The following JARID2 variants were observed in gnomAD, a reference collection of about 807,000 sequenced individuals.
JARID2 encodes the protein protein Jumonji.
Under a neutral mutation model 125.6 loss-of-function variants are expected in JARID2, and 21 were observed. The observed-to-expected ratio is 0.17, with a 90% CI of 0.12 to 0.24. The LOEUF is 0.24. Ranked by LOEUF, JARID2 falls within the 10% of genes least tolerant of loss-of-function variation. The pLI, the probability that JARID2 is intolerant of heterozygous loss-of-function variation, is 1.00. For missense variants in JARID2, 1,303 were observed against 1,639.6 expected, an observed-to-expected ratio of 0.79 and a Z score of 3.55; for synonymous variants, 736 against 661.6, an observed-to-expected ratio of 1.11 and a Z score of -1.73.
chr6:15,278,581 G>A (rs183693154), intron 1 of JARID2, among the ~76,000 whole-genome samples: 1,782 of 144,668 alleles, frequency 0.012, 22 homozygotes, highest in Non-Finnish European at 0.017. Flanking sequence ...GCAAGACTCC[G>A]TCTCAAAAAA....
chr6:15,507,102 G>T (rs1005733519), intron 9 of JARID2, 34 bp from the exon 10 acceptor site: 3 of 1,359,000 alleles, frequency 2.2e-6, no homozygotes, highest in Admixed American at 1.7e-5. Context: ...CAGCACCTTA[G>T]GGGTGCTGAC....
intron 1 of JARID2, chr6:15,247,322 A>T (rs1759217453): frequency 1.5e-5 from 9 of 618,700 alleles, no homozygotes; most frequent in Non-Finnish European, 1.8e-5. Flanking sequence ...TTGGGTGATT[A>T]TTCCTAGATT....
intron 2 of JARID2, among the ~76,000 whole-genome samples, chr6:15,375,540 T>C (rs1006431688): frequency 3.9e-5 from 6 of 152,214 alleles, no homozygotes; most frequent in African/African-American, 1.4e-4. Flanking sequence ...ATTTAGACCC[T>C]CATAGCTGCT....
chr6:15,467,753 C>A (rs1226709502), intron 4 of JARID2, among the ~76,000 whole-genome samples: 1 of 152,102 alleles, frequency 6.6e-6, no homozygotes, highest in Non-Finnish European at 1.5e-5. Flanking sequence ...GTAAAGGGTG[C>A]AGTGAGCTGT....
intron 1 of JARID2, among the ~76,000 whole-genome samples, chr6:15,253,726 AG>A (rs1216572830): frequency 6.6e-6 from 1 of 152,176 alleles, no homozygotes; most frequent in African/African-American, 2.4e-5. Context: ...GAAATGTCCC[AG>A]AAAAGCATGG....
rs769444709 is a variant in JARID2 at position 15,452,000 on chromosome 6, T to C, written c.324-6T>C. 6.2e-7 allele frequency: 1 copy of C among 1,611,620 alleles called. No individual in the cohort carries two copies. Among genetic ancestry groups the C allele is most frequent in the Non-Finnish European group, 8.5e-7 (1 of 1,179,134 alleles). ...ATTTATTTTTAATTTTCTTTTGCTTTTGCAGGCCCAGGCTGCAAGCACAAA... is the reference window on the plus strand; with the variant it reads ...ATTTATTTTTAATTTTCTTTTGCTTCTGCAGGCCCAGGCTGCAAGCACAAA... On this transcript the variant is annotated splice_polypyrimidine_tract_variant and splice_region_variant and intron_variant, in intron 3 of 17. Coordinates refer to ENST00000341776, the MANE Select transcript of JARID2 (RefSeq NM_004973.4).
chr6:15,458,836 A>G (rs890616118), intron 4 of JARID2, among the ~76,000 whole-genome samples: 3 of 152,264 alleles, frequency 2.0e-5, no homozygotes, highest in African/African-American at 7.2e-5. Flanking sequence ...CTGCCAAGGC[A>G]TGGATTGATG....
chr6:15,442,808 C>G (rs534780091), intron 3 of JARID2, among the ~76,000 whole-genome samples: 4 of 152,148 alleles, frequency 2.6e-5, no homozygotes, highest in Non-Finnish European at 4.4e-5. Flanking sequence ...TCATGACAGT[C>G]ATGATTTTCA....
intron 11 of JARID2, 124 bp downstream of exon 11, chr6:15,507,540 G>T: frequency 1.4e-6 from 1 of 699,254 alleles, no homozygotes. Flanking sequence ...AGGCTTACAG[G>T]ACATACAGTG....
chr6:15,465,825 A>G (rs1768703531), intron 4 of JARID2, among the ~76,000 whole-genome samples: 1 of 148,660 alleles, frequency 6.7e-6, no homozygotes, highest in African/African-American at 2.6e-5. Flanking sequence ...TTTTTTTGAG[A>G]CGGAGTCTTG....
chr6:15,365,536 G>T (rs945850610), intron 1 of JARID2, among the ~76,000 whole-genome samples: 1 of 152,098 alleles, frequency 6.6e-6, no homozygotes, highest in African/African-American at 2.4e-5. Flanking sequence ...AGGCTCAGTT[G>T]GTGGCCGGAG....
At chr6:15,247,726 C>T (rs897517587) in intron 1 of JARID2, 5 of 985,110 alleles carry the variant, frequency 5.1e-6, no homozygotes, top group Non-Finnish European at 6.0e-6. Flanking sequence ...AAGCTGAATG[C>T]CTCTTCAAGA....
chr6:15,253,611 G>A (rs1759539563), intron 1 of JARID2, among the ~76,000 whole-genome samples: 1 of 151,800 alleles, frequency 6.6e-6, no homozygotes, highest in Non-Finnish European at 1.5e-5. Context: ...ACCACTCTGG[G>A]TTTCTGGTTT....
intron 8 of JARID2, 100 bp downstream of exon 8, chr6:15,501,509 T>G: frequency 8.4e-7 from 1 of 1,195,080 alleles, no homozygotes; most frequent in Non-Finnish European, 1.1e-6. Context: ...TGTTCTCTGA[T>G]TCCCTGGGGT....
intron 3 of JARID2, among the ~76,000 whole-genome samples, chr6:15,429,926 A>G (rs1435563012): frequency 1.3e-5 from 2 of 152,148 alleles, no homozygotes; most frequent in Admixed American, 6.5e-5. Flanking sequence ...GGAAGTGTGT[A>G]TTTCTAGCCT....
chr6:15,413,308 C>T (rs535687408), intron 3 of JARID2, among the ~76,000 whole-genome samples: 6 of 152,124 alleles, frequency 3.9e-5, no homozygotes, highest in East Asian at 1.9e-4. Flanking sequence ...CCACTGTGCC[C>T]GGCAGGGAAG....
intron 1 of JARID2, among the ~76,000 whole-genome samples, chr6:15,315,880 C>G (rs888652192): frequency 5.9e-5 from 9 of 152,150 alleles, no homozygotes; most frequent in Admixed American, 5.9e-4. Context: ...ATGAGTTTCT[C>G]AGGGCTCCCA....
intron 2 of JARID2, among the ~76,000 whole-genome samples, chr6:15,396,092 A>G (rs1297196979): frequency 6.6e-6 from 1 of 152,218 alleles, no homozygotes. Context: ...AAAAAGGTTG[A>G]TCATGTTGTT....
In JARID2 at chr6:15,513,243, A is replaced by G. The variant is rs1335249629; in HGVS notation, c.3271A>G (p.Thr1091Ala). The stretch of plus-strand genomic sequence containing the variant: ...GCCGTCTCCCGTGTCTGGCAGGGAT[A>G]CAGAGCTGCGGCAGCGCAGGCAGCT... ...ISALLDELRD[T>A]ELRQRRQLFE... The change falls in exon 16 of 18, where the codon ACA becomes GCA. Residue 1091 changes from threonine (T) to alanine (A), a missense_variant. By Grantham distance (58) the Thr-to-Ala change is moderately conservative. Around this residue, in one of 11 missense-constraint regions of JARID2, gnomAD observed 190 missense variants for 341.4 expected, o/e 0.56. Coordinates refer to ENST00000341776, the MANE Select transcript of JARID2 (RefSeq NM_004973.4). The G allele has an allele frequency of 2.6e-6, 4 of 1,565,354 alleles. No homozygotes were observed.
Sources: allele counts gnomAD v4.1 joint callset (sites outside exome capture counted in the v4.1 genomes callset), GRCh38; gene constraint gnomAD v4.1.1; regional missense constraint gnomAD v4.1.1; transcripts MANE v1.5; gene names NCBI Gene and HGNC (gene_info 2026-07-23, HGNC 2026-07-21).